Variants in CCDC17 observed in about 807,000 individuals in gnomAD.
CCDC17 encodes coiled-coil domain containing 17.
In CCDC17, 79 loss-of-function variants were observed where a neutral mutation model predicts 68.0. That is an observed-to-expected ratio of 1.16 (90% CI 0.97 to 1.40). The LOEUF (loss-of-function observed/expected upper bound fraction) is 1.40. Among genes scored for constraint, CCDC17 ranks in the 40% most tolerant of loss-of-function variants. The pLI, the probability that CCDC17 is intolerant of heterozygous loss-of-function variation, is 0.00. For synonymous variants in CCDC17, 376 were observed against 337.5 expected, an observed-to-expected ratio of 1.11 and a Z score of -1.25; for missense variants, 846 against 811.5, an observed-to-expected ratio of 1.04 and a Z score of -0.52.
Position 45,621,096 on chromosome 1 carries a change from G to C in CCDC17, c.1406C>G (p.Ser469Ter). Reference protein sequence around the residue: ...QPVPRLPPSSSVSLVCELQVW... With the variant: ...QPVPRLPPSS ...CTGCAGCTCACAGACCAAAGATACT[G>C]ATGATGAGGGTGGTAGTCTGTAGAA... The change falls in exon 11 of 13, where the codon TCA (serine) becomes TGA (stop). Residue 469 changes from serine to a stop codon, truncating the protein, a stop_gained. Transcript: ENST00000528266. LOFTEE classifies it high-confidence loss of function. The C allele has an allele frequency of 6.2e-7, 1 of 1,613,844 alleles. No individual in the cohort carries two copies. The highest frequency in any genetic ancestry group is 1.1e-5 in the South Asian group (1 of 91,054).
chr1:45,620,505 G>C, intron 12 of CCDC17, 72 bp from the exon 13 acceptor site: 1 of 1,470,634 alleles, frequency 6.8e-7, no homozygotes, highest in Non-Finnish European at 9.0e-7. Context: ...GAGTTAGTTA[G>C]GCTTCCTTAG....
chr1:45,622,898 C>T lies in CCDC17; in HGVS notation c.656+57G>A, dbSNP rs896028834. 7.1e-6 allele frequency: 11 copies of T among 1,550,520 alleles called. No individual in the cohort carries two copies. The South Asian group carries it at 8.2e-5, about 12-fold the overall frequency. ...TCAGAGGCCCCGGGGCTGCAGCCAG[C>T]CCGCCCCTCCCACCCCGGAGCCGCA... On this transcript the variant is annotated intron_variant, in intron 4 of 12. Coordinates refer to ENST00000528266, the MANE Select transcript of CCDC17 (RefSeq NM_001114938.3).
intron 7 of CCDC17, 55 bp downstream of exon 7, chr1:45,622,186 C>A: frequency 1.3e-6 from 2 of 1,521,744 alleles, no homozygotes; most frequent in Non-Finnish European, 1.8e-6. Flanking sequence ...CTGCCTGAGC[C>A]AGGCCTGCTG....
At position 45,621,881 on chromosome 1, in the gene CCDC17, G is replaced by A. The variant is rs150013566; in HGVS notation, c.1082C>T (p.Ser361Leu). 1.9e-5 allele frequency: 31 copies of A among 1,600,580 alleles called. No individual in the cohort carries two copies. The highest frequency in any genetic ancestry group is 2.5e-5 in the Non-Finnish European group (29 of 1,173,904). The change falls in exon 8 of 13, where the codon TCG (serine) becomes TTG (leucine). Residue 361 changes from serine (S) to leucine (L), a missense_variant. Ser to Leu is a moderately radical substitution (Grantham distance 145, BLOSUM62 -2). Coordinates refer to ENST00000528266, the MANE Select transcript of CCDC17 (RefSeq NM_001114938.3). ...APPLPPLPGF[S>L]EPQLPGTMTR... ...TGCCCCACCCAAGAACTGAACCTCCGAGAAGCCTGGAAGTGGTGGCAGCGG... is the reference window on the plus strand; with the variant it reads ...TGCCCCACCCAAGAACTGAACCTCCAAGAAGCCTGGAAGTGGTGGCAGCGG...
rs1015891029 is a variant in CCDC17, at chr1:45,620,998, C to G, written c.1504G>C (p.Asp502His). 6.2e-7 allele frequency: 1 copy of G among 1,613,906 alleles called. No homozygotes were observed. Among genetic ancestry groups the G allele is most frequent in the East Asian group, 2.2e-5 (1 of 44,882 alleles). Residue 502 changes from aspartate (D) to histidine (H), a missense_variant, in exon 11 of 13, where the codon GAT becomes CAT. Physicochemically the swap from Asp to His is moderately conservative, Grantham distance 81 (BLOSUM62 -1). Transcript: ENST00000528266. ...AWVSLGLFDQ[D>H]QRVLSGRWRL... ...CAGCGGCCACTTAGCACCCGCTGAT[C>G]TTGGTCAAATAGTCCAAGTGAGACC...
At position 45,620,746 on chromosome 1, in the gene CCDC17, G is replaced by A. The variant is rs1178460715; in HGVS notation, c.1687C>T (p.His563Tyr). 6.2e-7 allele frequency: 1 copy of A among 1,607,610 alleles called. No individual in the cohort carries two copies. The highest frequency in any genetic ancestry group is 8.5e-7 in the Non-Finnish European group (1 of 1,177,004). Residue 563 changes from histidine (H) to tyrosine (Y), a missense_variant, in exon 12 of 13, where the codon CAT (histidine) becomes TAT (tyrosine). Transcript: ENST00000528266. ...ACCGGAGGTGGGTACTGGTACTCAT[G>A]GACACTTGCTGGATTGATCTCTGCC... ...TLAEINPASV[H>Y]EYQYPPPVSS...
intron 6 of CCDC17, 76 bp from the exon 7 acceptor site, chr1:45,622,424 C>A: frequency 6.7e-7 from 1 of 1,481,946 alleles, no homozygotes. Flanking sequence ...AGCTCTCCAG[C>A]GCTAAGGCTC....
At position 45,621,126 on chromosome 1, in the gene CCDC17, C is replaced by T. The variant is rs1396839607; in HGVS notation, c.1389-13G>A. ...TGAGGGTGGTAGTCTGTAGAATAACCAAAAAGCAGTGTCGGAAGCCAGAGC... is the reference window on the plus strand; with the variant it reads ...TGAGGGTGGTAGTCTGTAGAATAACTAAAAAGCAGTGTCGGAAGCCAGAGC... On this transcript the variant is annotated splice_polypyrimidine_tract_variant and intron_variant, in intron 10 of 12. Transcript: ENST00000528266. 1.2e-6 allele frequency: 2 copies of T among 1,612,092 alleles called. No individual in the cohort carries two copies. The highest frequency in any genetic ancestry group is 4.5e-5 in the East Asian group (2 of 44,836).
In CCDC17 at chr1:45,623,289, G is replaced by C. The variant is rs1476224756; in HGVS notation, c.421C>G (p.Leu141Val). The C allele has an allele frequency of 2.6e-6, 4 of 1,548,448 alleles. No individual in the cohort carries two copies. Among genetic ancestry groups the C allele is most frequent in the Non-Finnish European group, 3.5e-6 (4 of 1,146,794 alleles). The change falls in exon 3 of 13, where the codon CTG (leucine) becomes GTG (valine). Residue 141 changes from leucine to valine, a missense_variant. Physicochemically the swap from Leu to Val is conservative, Grantham distance 32. Transcript: ENST00000528266. ...VGSPSERLRA[L>V]FRTRARRVAE... ...ACGCGCCTCGCGCGAGTCCTGAACA[G>C]CGCCCGCAGCCGCTCGCTGGGGCTT...
chr1:45,623,677 A>T, intron 1 of CCDC17, 25 bp from the exon 2 acceptor site: 1 of 1,551,606 alleles, frequency 6.4e-7, no homozygotes, highest in Non-Finnish European at 8.7e-7. Context: ...TAGTAGGATG[A>T]GGAATCATAA....
In CCDC17 at chr1:45,621,140, G is replaced by A. The variant is rs115882398; in HGVS notation, c.1389-27C>T. On this transcript the variant is annotated intron_variant, in intron 10 of 12. Coordinates refer to ENST00000528266, the MANE Select transcript of CCDC17 (RefSeq NM_001114938.3). ...TGTAGAATAACCAAAAAGCAGTGTC[G>A]GAAGCCAGAGCTACAGTCCCTTTCT... 8.9e-3 allele frequency: 14,218 copies of A among 1,605,804 alleles called. 91 individuals are homozygous for A. Among genetic ancestry groups the A allele is most frequent in the Non-Finnish European group, 0.01 (12,243 of 1,175,644 alleles).
chr1:45,621,722 C>G lies in CCDC17; in HGVS notation c.1100G>C (p.Gly367Ala), dbSNP rs371538924. The G allele has an allele frequency of 3.1e-6, 5 of 1,613,598 alleles. No homozygotes were observed. Among genetic ancestry groups the G allele is most frequent in the African/African-American group, 1.3e-5 (1 of 74,894 alleles). Residue 367 changes from glycine to alanine, a missense_variant, in exon 9 of 13, where the codon GGA (glycine) becomes GCA (alanine). Transcript: ENST00000528266. ...CAGGCCCAGGTTTCTGGTCATTGTT[C>G]CAGGAAGCTGTGGCTGTGGGGAAGA... ...LPGFSEPQLP[G>A]TMTRNLGLDS...
chr1:45,621,670 C>G lies in CCDC17; in HGVS notation c.1152G>C (p.Ser384=). The G allele has an allele frequency of 9.3e-6, 15 of 1,613,856 alleles. No homozygotes were observed. The highest frequency in any genetic ancestry group is 1.3e-5 in the Non-Finnish European group (15 of 1,179,850). The change falls in exon 9 of 13, where the codon TCG becomes TCC. Residue 384 remains serine (S), a synonymous_variant. Coordinates refer to ENST00000528266, the MANE Select transcript of CCDC17 (RefSeq NM_001114938.3). ...CATAGGGTGCAGGGCCCAGCATGTCCGATGTGGGCAGGAGGAAGTGTGAGT... is the reference window on the plus strand; with the variant it reads ...CATAGGGTGCAGGGCCCAGCATGTCGGATGTGGGCAGGAGGAAGTGTGAGT... ...GLDSHFLLPT[S]DMLGPAPYDP... is the part of the protein sequence containing the mutation.
rs769299759 is a variant in CCDC17 at position 45,622,614 on chromosome 1, C to G, written c.794G>C (p.Gly265Ala). The change falls in exon 6 of 13, where the codon GGC becomes GCC. Residue 265 changes from glycine (G) to alanine (A), a missense_variant. By Grantham distance (60) the Gly-to-Ala change is moderately conservative. Transcript: ENST00000528266. The stretch of plus-strand genomic sequence containing the variant: ...CTCCACCTGCAACTGCCATATCTGG[C>G]CCAGCACGCCGGGGTCCCGGCCCCC... The part of the protein sequence containing the change: ...RDGGRDPGVL[G>A]QIWQLQVEAS... 1.3e-5 allele frequency: 21 copies of G among 1,556,666 alleles called. No homozygotes were observed. In the African/African-American group the frequency reaches 2.5e-4, roughly 18 times the overall value.
At position 45,623,320 on chromosome 1, in the gene CCDC17, C is replaced by T; in HGVS notation, c.390G>A (p.Ala130=). ...GCAGCCGCTCGCTGGGGCTTCCCAC[C>T]GCCTCGGACATGGGACTCTGAGGCC... ...EARPQSPMSE[A]VGSPSERLRA... is the part of the protein sequence containing the mutation. Residue 130 remains alanine, a synonymous_variant, in exon 3 of 13, where the codon GCG becomes GCA. Transcript: ENST00000528266. 1.3e-6 allele frequency: 2 copies of T among 1,550,298 alleles called. No homozygotes were observed. The highest frequency in any genetic ancestry group is 1.7e-6 in the Non-Finnish European group (2 of 1,146,938).
Position 45,622,999 on chromosome 1 carries a change from T to G in CCDC17, c.612A>C (p.Leu204=), listed in dbSNP as rs746545005. 1.3e-5 allele frequency: 21 copies of G among 1,611,480 alleles called. No homozygotes were observed. Among genetic ancestry groups the G allele is most frequent in the African/African-American group, 4.0e-5 (3 of 74,848 alleles). The change falls in exon 4 of 13, where the codon CTA becomes CTC. Residue 204 remains leucine, a synonymous_variant. Coordinates refer to ENST00000528266, the MANE Select transcript of CCDC17 (RefSeq NM_001114938.3). ...CCTGAATGCGGGCCCCCAACACCTCTAGAGCTCCCCGCGTCCTCCCGGCCT... is the reference window on the plus strand; with the variant it reads ...CCTGAATGCGGGCCCCCAACACCTCGAGAGCTCCCCGCGTCCTCCCGGCCT... ...QAEAGRTRGA[L]EVLGARIQEL...
chr1:45,621,321 C>A lies in CCDC17; in HGVS notation c.1348G>T (p.Gly450Cys). 6.3e-7 allele frequency: 1 copy of A among 1,587,692 alleles called. No homozygotes were observed. ...LPPPPAPGPM[G>C]NCAILASRQP... is the part of the protein sequence containing the mutation. ...CTGCTGGCAAGGATGGCACAGTTGC[C>A]CATGGGCCCGGGAGCAGGAGGTGGG... The change falls in exon 10 of 13, where the codon GGC (glycine) becomes TGC (cysteine). Residue 450 changes from glycine to cysteine, a missense_variant. Coordinates refer to ENST00000528266, the MANE Select transcript of CCDC17 (RefSeq NM_001114938.3).
chr1:45,620,619 T>G, intron 12 of CCDC17, 104 bp downstream of exon 12: 1 of 1,522,048 alleles, frequency 6.6e-7, no homozygotes. Context: ...AAGAAAGCAT[T>G]GGTAATGACT....
Position 45,621,214 on chromosome 1 carries a change from CTT to C in CCDC17, c.1388+65_1388+66del, listed in dbSNP as rs1216360922. 2.0e-5 allele frequency: 31 copies of C among 1,544,198 alleles called. 1 individual carries two copies. The South Asian group carries it at 3.1e-4, about 15-fold the overall frequency. ...CGGCCTCTGTATACAGATGAGAAAACTTAGCAGAATGGTGGATAAGCCTCAAC... is the reference window on the plus strand; with the variant it reads ...CGGCCTCTGTATACAGATGAGAAAACAGCAGAATGGTGGATAAGCCTCAAC... On this transcript the variant is annotated intron_variant, in intron 10 of 12. Transcript: ENST00000528266.
Sources: gnomAD v4.1 joint callset for allele counts on GRCh38, gnomAD v4.1.1 for gene constraint, MANE v1.5 for transcripts, NCBI Gene and HGNC (gene_info 2026-07-23, HGNC 2026-07-21) for gene names.